Variants in UGT1A8 observed in about 807,000 individuals in gnomAD.
UGT1A8 encodes the protein UDP glucuronosyltransferase family 1 member A8.
In UGT1A8, 39 loss-of-function variants were observed where a neutral mutation model predicts 45.3. The observed-to-expected ratio is 0.86, with a 90% CI of 0.67 to 1.12. The LOEUF is 1.12. UGT1A8 is among the 50% of genes most tolerant of loss of function. UGT1A8 has a pLI of 0.00. For synonymous variants in UGT1A8, 275 were observed against 249.2 expected (o/e 1.10, Z -0.97); for missense variants, 719 against 664.9 (o/e 1.08, Z -0.90).
At chr2:233,766,428 A>G (rs1336103880) in intron 1 of UGT1A8, among the ~76,000 whole-genome samples, 1 of 152,116 alleles carries the variant, frequency 6.6e-6, no homozygotes, top group African/African-American at 2.4e-5. Context: ...CCCGATGTCC[A>G]GCTACCTGTG....
chr2:233,724,273 T>C (rs1575551311), intron 1 of UGT1A8, among the ~76,000 whole-genome samples: 1 of 120,344 alleles, frequency 8.3e-6, no homozygotes, highest in African/African-American at 3.2e-5. Context: ...ACGGGGCGGC[T>C]GGCCGGGCGG....
At chr2:233,651,655 C>A (rs1468775526) in intron 1 of UGT1A8, among the ~76,000 whole-genome samples, 3 of 152,126 alleles carry the variant, frequency 2.0e-5, no homozygotes, top group Admixed American at 1.3e-4. Context: ...TTTCTCTTTC[C>A]TTATTTAGAA....
intron 1 of UGT1A8, chr2:233,693,388 C>A: frequency 2.5e-6 from 4 of 1,614,150 alleles, no homozygotes; most frequent in South Asian, 1.1e-5. Context: ...ACTGCCAGAG[C>A]CTCCTGCAGG....
intron 1 of UGT1A8, among the ~76,000 whole-genome samples, chr2:233,750,112 A>G (rs965071088): frequency 7.2e-5 from 11 of 151,944 alleles, no homozygotes; most frequent in Middle Eastern, 3.2e-3. Flanking sequence ...AGAAGAAGAC[A>G]GGAAGATGTG....
chr2:233,636,754 T>C (rs1231008929), intron 1 of UGT1A8: 1 of 1,614,192 alleles, frequency 6.2e-7, no homozygotes, highest in Non-Finnish European at 8.5e-7. Context: ...GAAGACTTAC[T>C]CAACCTCGTA....
rs1217808254 is a variant in UGT1A8 at position 233,763,370 on chromosome 2, A to G, written c.856-3664A>G. On this transcript the variant is annotated intron_variant, in intron 1 of 4. Coordinates refer to ENST00000373450, the MANE Select transcript of UGT1A8 (RefSeq NM_019076.5). ...ACATCTTTAGTACTCCTTTGTCTTC[A>G]AGCTTTCTTCCTTTTTAAACAACAT... is the stretch of plus-strand genomic sequence containing the variant. Among the ~76,000 whole-genome samples the G allele has an allele frequency of 3.3e-5, 5 of 152,290 alleles. No homozygotes were observed. The East Asian group carries it at 9.6e-4, about 29-fold the overall frequency.
chr2:233,700,788 T>C (rs992133677), intron 1 of UGT1A8, among the ~76,000 whole-genome samples: 2 of 152,148 alleles, frequency 1.3e-5, no homozygotes, highest in African/African-American at 4.8e-5. Flanking sequence ...TTGTTACATA[T>C]GTATACATGT....
chr2:233,712,754 C>G (rs910147754), intron 1 of UGT1A8, among the ~76,000 whole-genome samples: 49 of 151,866 alleles, frequency 3.2e-4, no homozygotes, highest in Admixed American at 2.4e-3. Context: ...TTCCCCAGAG[C>G]GAGCGCAAGG....
In UGT1A8 at chr2:233,617,907, G is replaced by C. The variant is rs768728867; in HGVS notation, c.200G>C (p.Gly67Ala). 3.7e-6 allele frequency: 6 copies of C among 1,614,138 alleles called. No individual in the cohort carries two copies. The highest frequency in any genetic ancestry group is 5.1e-6 in the Non-Finnish European group (6 of 1,180,022). Residue 67 changes from glycine to alanine, a missense_variant, in exon 1 of 5, where the codon GGA becomes GCA. Gly to Ala is a moderately conservative substitution (Grantham distance 60, BLOSUM62 0). Coordinates refer to ENST00000373450, the MANE Select transcript of UGT1A8 (RefSeq NM_019076.5). ...VVMPEVSWQL[G>A]KSLNCTVKTY... is the part of the protein sequence containing the mutation. ...ATGCCAGAGGTGAGTTGGCAACTGG[G>C]AAAATCACTGAATTGCACAGTGAAG...
intron 1 of UGT1A8, chr2:233,719,470 C>T (rs568794982): frequency 6.2e-7 from 1 of 1,613,998 alleles, no homozygotes; most frequent in South Asian, 1.1e-5. Flanking sequence ...ATGCTCTACC[C>T]TCTGGCCCTG....
chr2:233,719,618 C>A (rs779960656), intron 1 of UGT1A8: 2 of 1,614,058 alleles, frequency 1.2e-6, no homozygotes. Flanking sequence ...TGGACTACCC[C>A]AGGCCGATCA....
At chr2:233,693,703 A>G (rs1559346623) in intron 1 of UGT1A8, 1 of 1,614,248 alleles carries the variant, frequency 6.2e-7, no homozygotes, top group Non-Finnish European at 8.5e-7. Flanking sequence ...AAGAACTCGC[A>G]TCAGCTGTCC....
chr2:233,719,768 T>C, intron 1 of UGT1A8: 1 of 1,611,854 alleles, frequency 6.2e-7, no homozygotes. Flanking sequence ...AGTGCTTCCA[T>C]ATCTACTTAT....
intron 1 of UGT1A8, among the ~76,000 whole-genome samples, chr2:233,630,393 A>G (rs2073166442): frequency 6.6e-6 from 1 of 152,152 alleles, no homozygotes; most frequent in Non-Finnish European, 1.5e-5. Context: ...CCTGACACAC[A>G]CTGCTTAGCT....
chr2:233,669,255 A>ATT (rs35555682), intron 1 of UGT1A8, among the ~76,000 whole-genome samples: 51 of 150,950 alleles, frequency 3.4e-4, no homozygotes, highest in African/African-American at 1.0e-3. Flanking sequence ...ATTGCTCTCC[A>ATT]TTTTTTTTTC....
At chr2:233,701,956 C>T (rs1431436899) in intron 1 of UGT1A8, among the ~76,000 whole-genome samples, 1 of 152,018 alleles carries the variant, frequency 6.6e-6, no homozygotes, top group Non-Finnish European at 1.5e-5. Context: ...AGAGCAAACA[C>T]ATTCAAAAGC....
chr2:233,659,142 C>T (rs1415832019), intron 1 of UGT1A8, among the ~76,000 whole-genome samples: 1 of 152,162 alleles, frequency 6.6e-6, no homozygotes, highest in Admixed American at 6.5e-5. Context: ...CATCTTTGAT[C>T]AGATTTATCC....
intron 1 of UGT1A8, among the ~76,000 whole-genome samples, chr2:233,744,391 C>A (rs1383619511): frequency 6.6e-6 from 1 of 151,826 alleles, no homozygotes; most frequent in Non-Finnish European, 1.5e-5. Flanking sequence ...ACGTTCCAGC[C>A]CCGGTGCCCA....
intron 1 of UGT1A8, among the ~76,000 whole-genome samples, chr2:233,725,323 G>A (rs1370271039): frequency 1.0e-5 from 1 of 97,652 alleles, no homozygotes; most frequent in East Asian, 3.5e-4. Flanking sequence ...GAGGCGCCTG[G>A]TCAACAATCT....
Sources: gnomAD v4.1 joint callset for allele counts (sites outside exome capture counted in the v4.1 genomes callset) on GRCh38, gnomAD v4.1.1 for gene constraint, MANE v1.5 for transcripts, NCBI Gene and HGNC (gene_info 2026-07-23, HGNC 2026-07-21) for gene names.